NKAIN2: variants seen among roughly 807,000 people sequenced by gnomAD.
The protein encoded by NKAIN2 is sodium/potassium transporting ATPase interacting 2.
NKAIN2 carries 14 observed loss-of-function variants against 32.6 expected under a neutral mutation model. The observed-to-expected ratio is 0.43, with a 90% confidence interval of 0.28 to 0.67. The LOEUF (loss-of-function observed/expected upper bound fraction) is 0.67, where lower values mean the gene tolerates loss of function less well. Among genes scored for constraint, NKAIN2 ranks in the 30% least tolerant of loss-of-function variants. NKAIN2 has a pLI of 0.17. For missense variants in NKAIN2, 198 were observed against 258.3 expected (o/e 0.77, Z 1.60); for synonymous variants, 80 against 87.2 (o/e 0.92, Z 0.46).
intron 1 of NKAIN2, among the ~76,000 whole-genome samples, chr6:123,978,873 A>C (rs1017733986): frequency 3.9e-5 from 6 of 152,168 alleles, no homozygotes; most frequent in African/African-American, 1.4e-4. Flanking sequence ...CTACCTTCTT[A>C]ATCAAAGGTG....
At chr6:123,965,363 G>T (rs945736289) in intron 1 of NKAIN2, among the ~76,000 whole-genome samples, 12 of 152,170 alleles carry the variant, frequency 7.9e-5, no homozygotes, top group Non-Finnish European at 2.9e-5. Context: ...AGAGCATTTA[G>T]AGATCAAGTT....
chr6:124,324,197 G>A (rs939441767), intron 2 of NKAIN2, among the ~76,000 whole-genome samples: 1 of 152,026 alleles, frequency 6.6e-6, no homozygotes, highest in East Asian at 1.9e-4. Flanking sequence ...CCAATTTGAG[G>A]ATAATTGGCA....
At chr6:124,152,635 G>A (rs1242029251) in intron 1 of NKAIN2, among the ~76,000 whole-genome samples, 10 of 151,892 alleles carry the variant, frequency 6.6e-5, no homozygotes, top group Non-Finnish European at 8.8e-5. Context: ...TAGAATTACC[G>A]TATGATCCAC....
At chr6:124,170,794 G>T (rs1422183846) in intron 1 of NKAIN2, among the ~76,000 whole-genome samples, 1 of 152,038 alleles carries the variant, frequency 6.6e-6, no homozygotes, top group Non-Finnish European at 1.5e-5. Context: ...GTGATACCTA[G>T]GGTGTTTATA....
At chr6:124,502,818 T>A (rs1778344692) in intron 3 of NKAIN2, among the ~76,000 whole-genome samples, 1 of 152,206 alleles carries the variant, frequency 6.6e-6, no homozygotes, top group South Asian at 2.1e-4. Flanking sequence ...TTATGTGCTT[T>A]CACAGCAATC....
intron 1 of NKAIN2, among the ~76,000 whole-genome samples, chr6:123,911,302 G>A (rs1416651582): frequency 1.3e-5 from 2 of 152,116 alleles, no homozygotes; most frequent in African/African-American, 2.4e-5. Context: ...GAAACATGGT[G>A]TCAGCATCTA....
intron 3 of NKAIN2, among the ~76,000 whole-genome samples, chr6:124,595,051 A>G (rs1782035200): frequency 6.6e-6 from 1 of 152,190 alleles, no homozygotes; most frequent in Admixed American, 6.5e-5. Context: ...GGGAAATCTA[A>G]AAGTTTGAAA....
intron 1 of NKAIN2, among the ~76,000 whole-genome samples, chr6:124,084,084 C>T (rs117071467): frequency 0.025 from 3,779 of 151,914 alleles, 48 homozygotes; most frequent in Non-Finnish European, 0.032. Context: ...TTTAGATTAT[C>T]CCAGATTTCT....
chr6:124,088,727 A>T (rs1338357827), intron 1 of NKAIN2, among the ~76,000 whole-genome samples: 4 of 151,990 alleles, frequency 2.6e-5, no homozygotes, highest in African/African-American at 9.7e-5. Context: ...ATTACACAAG[A>T]TGTTGAGTTG....
At chr6:124,047,394 C>G (rs1782192307) in intron 1 of NKAIN2, among the ~76,000 whole-genome samples, 1 of 151,864 alleles carries the variant, frequency 6.6e-6, no homozygotes, top group Admixed American at 6.6e-5. Context: ...AATGCAAGGA[C>G]AGTAAAATAT....
chr6:124,071,590 A>G (rs974795824), intron 1 of NKAIN2, among the ~76,000 whole-genome samples: 1 of 152,214 alleles, frequency 6.6e-6, no homozygotes, highest in Non-Finnish European at 1.5e-5. Flanking sequence ...ACAAAGATCT[A>G]ATATCCAGAA....
chr6:124,605,638 T>C (rs1782470862), intron 3 of NKAIN2, among the ~76,000 whole-genome samples: 2 of 152,068 alleles, frequency 1.3e-5, no homozygotes, highest in African/African-American at 4.8e-5. Context: ...ATCTCCGCAG[T>C]ATATGTTTAC....
intron 1 of NKAIN2, among the ~76,000 whole-genome samples, chr6:123,817,366 T>C (rs985468625): frequency 1.1e-4 from 17 of 152,160 alleles, no homozygotes; most frequent in Non-Finnish European, 2.2e-4. Flanking sequence ...CCAAAGTGTC[T>C]CTAGATTTTG....
chr6:123,885,630 A>G (rs1773676684), intron 1 of NKAIN2, among the ~76,000 whole-genome samples: 1 of 152,030 alleles, frequency 6.6e-6, no homozygotes, highest in Non-Finnish European at 1.5e-5. Context: ...TAAATTTGAG[A>G]CAAATGTGTT....
chr6:123,998,641 A>G (rs1779736723), intron 1 of NKAIN2, among the ~76,000 whole-genome samples: 1 of 152,018 alleles, frequency 6.6e-6, no homozygotes, highest in Non-Finnish European at 1.5e-5. Flanking sequence ...GTACTACTAT[A>G]ATCTTGTCTT....
intron 1 of NKAIN2, among the ~76,000 whole-genome samples, chr6:123,891,589 G>T (rs1014071340): frequency 1.3e-5 from 2 of 152,128 alleles, no homozygotes; most frequent in African/African-American, 4.8e-5. Flanking sequence ...ATTCCCCATA[G>T]GAAACATGGT....
intron 1 of NKAIN2, among the ~76,000 whole-genome samples, chr6:124,118,204 A>G (rs1485631844): frequency 6.6e-6 from 1 of 152,168 alleles, no homozygotes; most frequent in Non-Finnish European, 1.5e-5. Context: ...TGATACTCTC[A>G]TTTATTTATA....
In NKAIN2 at chr6:123,868,246, A is replaced by G. The variant is rs115258153; in HGVS notation, c.54+63992A>G. Among the ~76,000 whole-genome samples the G allele has an allele frequency of 3.6e-3, 552 of 152,298 alleles. 1 individual carries two copies. The highest frequency in any genetic ancestry group is 0.013 in the African/African-American group (531 of 41,548). ...CTCCCTGGAGGCATGGCTATGTCAT[A>G]TGCATGTCTAACCCATCACCATTGC... On this transcript the variant is annotated intron_variant, in intron 1 of 6. Transcript: ENST00000368417.
At chr6:123,868,031 G>T (rs949317709) in intron 1 of NKAIN2, among the ~76,000 whole-genome samples, 1 of 151,964 alleles carries the variant, frequency 6.6e-6, no homozygotes, top group Non-Finnish European at 1.5e-5. Context: ...ACCACACCCG[G>T]CTAATTTTTT....
Sources: gnomAD v4.1 joint callset for allele counts (sites outside exome capture counted in the v4.1 genomes callset) on GRCh38, gnomAD v4.1.1 for gene constraint, MANE v1.5 for transcripts, NCBI Gene and HGNC (gene_info 2026-07-23, HGNC 2026-07-21) for gene names.